The following GDI2 variants were observed in gnomAD, a reference collection of about 807,000 sequenced individuals.
GDI2 encodes GDP dissociation inhibitor 2, also known as rab GDP dissociation inhibitor beta.
GDI2 carries 22 observed loss-of-function variants against 54.2 expected under a neutral mutation model. That is an observed-to-expected ratio of 0.41 (90% CI 0.29 to 0.58). The LOEUF (loss-of-function observed/expected upper bound fraction) is 0.58. GDI2 is among the 20% of genes least tolerant of loss of function. GDI2 has a pLI of 0.35. For synonymous variants in GDI2, 177 were observed against 182.1 expected (o/e 0.97, Z 0.23); for missense variants, 422 against 546.0 (o/e 0.77, Z 2.26).
chr10:5,782,326 T>C lies in GDI2; in HGVS notation c.719+2816A>G, dbSNP rs1443523277. ...AATTAAAAACTTACAATACTAAATGTTGACAAGGATGTGGAGCAACGAGAA... is the reference window on the plus strand; with the variant it reads ...AATTAAAAACTTACAATACTAAATGCTGACAAGGATGTGGAGCAACGAGAA... On this transcript the variant is annotated intron_variant, in intron 6 of 10. Coordinates refer to ENST00000380191, the MANE Select transcript of GDI2 (RefSeq NM_001494.4). Among the ~76,000 whole-genome samples the C allele has an allele frequency of 3.3e-5, 5 of 152,308 alleles. No individual in the cohort carries two copies. In the East Asian group the frequency reaches 7.7e-4, roughly 23 times the overall value.
chr10:5,813,329 C>A lies in GDI2; in HGVS notation c.-71G>T, dbSNP rs936722897. 14 of 1,135,998 alleles carry A rather than the reference C, an allele frequency of 1.2e-5. No individual in the cohort carries two copies. The highest frequency in any genetic ancestry group is 1.3e-6 in the Non-Finnish European group (1 of 781,560). The allele number at this position is 1,135,998 out of a possible 1,614,324, so 70.4% of individuals were successfully genotyped here. ...GGGGCTCCGTGACCACCCTACGAGG[C>A]TGGGAGGCGCTCTTGGGCGCGAAGG... On this transcript the variant is annotated 5_prime_UTR_variant, in exon 1 of 11. Transcript: ENST00000380191.
intron 2 of GDI2, among the ~76,000 whole-genome samples, chr10:5,797,820 G>T (rs1841181853): frequency 6.6e-6 from 1 of 152,126 alleles, no homozygotes; most frequent in Non-Finnish European, 1.5e-5. Flanking sequence ...CAGAACTAGG[G>T]TGTCACTGAC....
chr10:5,787,584 AG>A (rs1416520093), intron 4 of GDI2, among the ~76,000 whole-genome samples: 2 of 152,260 alleles, frequency 1.3e-5, no homozygotes, highest in African/African-American at 2.4e-5. Context: ...TTTACAATTC[AG>A]CCTTTTAAAT....
intron 4 of GDI2, among the ~76,000 whole-genome samples, chr10:5,792,245 T>C (rs1399289692): frequency 6.6e-6 from 1 of 152,202 alleles, no homozygotes; most frequent in Non-Finnish European, 1.5e-5. Context: ...TACTACTTTG[T>C]GCTTTCCTTT....
intron 4 of GDI2, among the ~76,000 whole-genome samples, chr10:5,788,491 A>G (rs1165574870): frequency 1.3e-5 from 2 of 152,318 alleles, no homozygotes; most frequent in Non-Finnish European, 2.9e-5. Context: ...CTTTTTATGT[A>G]GATCAGAGGT....
At position 5,768,346 on chromosome 10, in the gene GDI2, G is replaced by C; in HGVS notation, c.858C>G (p.Tyr286Ter). 1 of 1,613,338 alleles carries C rather than the reference G, an allele frequency of 6.2e-7. No homozygotes were observed. The highest frequency in any genetic ancestry group is 8.5e-7 in the Non-Finnish European group (1 of 1,179,276). ...RCKQLICDPSYVKDRVEKVGQ... is the reference protein window; with the variant it reads ...RCKQLICDPS ...CCACTTTTTCTACCCGATCTTTTAC[G>C]TAGCTGGGGTCACAGATGAGCTGCT... Residue 286 changes from tyrosine to a stop codon, truncating the protein, a stop_gained, in exon 8 of 11, where the codon TAC becomes TAG. Coordinates refer to ENST00000380191, the MANE Select transcript of GDI2 (RefSeq NM_001494.4). LOFTEE classifies it high-confidence loss of function. This position sits in a 1 kb window ranked among gnomAD's most constrained non-coding sequence, Gnocchi z 4.4.
In GDI2 at chr10:5,766,132, A is replaced by G. The variant is rs747481896; in HGVS notation, c.1212T>C (p.Tyr404=). The G allele has an allele frequency of 3.7e-6, 6 of 1,613,516 alleles. No individual in the cohort carries two copies. Among genetic ancestry groups the G allele is most frequent in the African/African-American group, 2.7e-5 (2 of 74,920 alleles). The change falls in exon 11 of 11, where the codon TAT becomes TAC. Residue 404 remains tyrosine (Y), a synonymous_variant. Coordinates refer to ENST00000380191, the MANE Select transcript of GDI2 (RefSeq NM_001494.4). This position sits in a 1 kb window ranked among gnomAD's most constrained non-coding sequence, Gnocchi z 5.8. Reference sequence around the variant, plus strand: ...TTGTCTCAAAATGAGTGGTGGCATCATATGTGCGGGAAATAAAGATCTGAA... The same window carrying G: ...TTGTCTCAAAATGAGTGGTGGCATCGTATGTGCGGGAAATAAAGATCTGAA... ...TESQIFISRT[Y]DATTHFETTC...
At chr10:5,802,014 AATT>A (rs1271347802) in intron 1 of GDI2, among the ~76,000 whole-genome samples, 1 of 151,162 alleles carries the variant, frequency 6.6e-6, no homozygotes, top group East Asian at 1.9e-4. Flanking sequence ...TAGCAAAAAG[AATT>A]AATAAAGTTA....
chr10:5,807,361 AG>A (rs1398746541), intron 1 of GDI2, among the ~76,000 whole-genome samples: 1 of 152,238 alleles, frequency 6.6e-6, no homozygotes, highest in Non-Finnish European at 1.5e-5. Flanking sequence ...ATAAAAACTA[AG>A]CTTCTCTTTT....
intron 1 of GDI2, among the ~76,000 whole-genome samples, chr10:5,801,672 A>T (rs1400743242): frequency 6.7e-6 from 1 of 148,834 alleles, no homozygotes; most frequent in East Asian, 2.0e-4. Flanking sequence ...GCTAAACTCC[A>T]TCTCAAGAAC....
At position 5,765,589 on chromosome 10, in the gene GDI2, G is replaced by T. The variant is rs1840300307; in HGVS notation, c.*417C>A. On this transcript the variant is annotated 3_prime_UTR_variant, in exon 11 of 11. Coordinates refer to ENST00000380191, the MANE Select transcript of GDI2 (RefSeq NM_001494.4). Reference sequence around the variant, plus strand: ...GTCATAGGGAAAACTTCCGGATGCTGTCCCAAACCGTGGAATATTCAATTT... The same window carrying T: ...GTCATAGGGAAAACTTCCGGATGCTTTCCCAAACCGTGGAATATTCAATTT... The T allele has an allele frequency of 6.4e-6, 1 of 155,618 alleles. No homozygotes were observed. The highest frequency in any genetic ancestry group is 1.9e-4 in the East Asian group (1 of 5,280). 9.6% of individuals were successfully genotyped at this position (155,618 alleles called of 1,614,324 possible).
intron 7 of GDI2, among the ~76,000 whole-genome samples, chr10:5,771,418 C>T (rs190863556): frequency 2.6e-4 from 39 of 152,264 alleles, no homozygotes; most frequent in Admixed American, 7.2e-4. Context: ...GCAGACATCA[C>T]GAAATTATGC....
intron 7 of GDI2, among the ~76,000 whole-genome samples, chr10:5,772,874 G>A (rs769639789): frequency 2.0e-5 from 3 of 152,062 alleles, no homozygotes; most frequent in African/African-American, 4.8e-5. Context: ...TGTGGGTGCG[G>A]AACACCTTAA....
rs778723839 is a variant in GDI2 at position 5,796,871 on chromosome 10, A to T, written c.154-9T>A. On this transcript the variant is annotated splice_polypyrimidine_tract_variant and intron_variant, in intron 2 of 10. Transcript: ENST00000380191. ...TTAAATCTTTTGTATAACTAAAAGC[A>T]AGGAAAAACATAGCCATAATGTTAA... is the stretch of plus-strand genomic sequence containing the variant. The T allele has an allele frequency of 7.6e-7, 1 of 1,316,116 alleles. No homozygotes were observed. Among genetic ancestry groups the T allele is most frequent in the African/African-American group, 1.4e-5 (1 of 69,174 alleles). The allele number at this position is 1,316,116 out of a possible 1,614,324, so 81.5% of individuals were successfully genotyped here.
intron 1 of GDI2, among the ~76,000 whole-genome samples, chr10:5,800,944 A>T (rs1312808637): frequency 2.0e-5 from 3 of 147,702 alleles, no homozygotes; most frequent in Non-Finnish European, 4.5e-5. Flanking sequence ...TCACCTTTTA[A>T]TTTTTTTTTT....
chr10:5,766,619 G>T lies in GDI2; in HGVS notation c.1011C>A (p.Ile337=), dbSNP rs984279679. The T allele has an allele frequency of 1.2e-6, 2 of 1,613,504 alleles. No homozygotes were observed. The highest frequency in any genetic ancestry group is 1.7e-6 in the Non-Finnish European group (2 of 1,179,404). Residue 337 remains isoleucine, a synonymous_variant, in exon 9 of 11, where the codon ATC becomes ATA. Transcript: ENST00000380191. This position sits in a 1 kb window ranked among gnomAD's most constrained non-coding sequence, Gnocchi z 5.8. ...GTGCTGCTACATTGTGCGCAAAGGA[G>T]ATCATGCAGACGTAGATATCTAGAA... ...NRKSDIYVCM[I]SFAHNVAAQG...
rs1438756542 is a variant in GDI2, at chr10:5,776,581, G to A, written c.720-2640C>T. ...TTGTGGCTGAGAATGAAAGATTAAG[G>A]AAAGAAAATAAACAACTCAAGGCTG... On this transcript the variant is annotated intron_variant, in intron 6 of 10. Coordinates refer to ENST00000380191, the MANE Select transcript of GDI2 (RefSeq NM_001494.4). The surrounding 1 kb of genome is among the most constrained non-coding windows in gnomAD (Gnocchi z 5.3). The A allele has an allele frequency of 1.3e-6, 2 of 1,563,218 alleles. No individual in the cohort carries two copies. The highest frequency in any genetic ancestry group is 4.5e-5 in the East Asian group (2 of 44,458).
At chr10:5,788,510 T>G (rs1840927734) in intron 4 of GDI2, among the ~76,000 whole-genome samples, 1 of 152,136 alleles carries the variant, frequency 6.6e-6, no homozygotes, top group African/African-American at 2.4e-5. Flanking sequence ...GTGTCCAATT[T>G]TTTGGCTTCC....
chr10:5,786,701 C>G (rs1840889051), intron 4 of GDI2, among the ~76,000 whole-genome samples: 1 of 143,172 alleles, frequency 7.0e-6, no homozygotes, highest in Non-Finnish European at 1.6e-5. Flanking sequence ...TCTGAAGAGT[C>G]TCCCTTTGAC....
Sources: gnomAD v4.1 joint callset for allele counts (sites outside exome capture counted in the v4.1 genomes callset) on GRCh38, gnomAD v4.1.1 for gene constraint, Gnocchi (gnomAD v3.1) non-coding constraint, MANE v1.5 for transcripts, NCBI Gene and HGNC (gene_info 2026-07-23, HGNC 2026-07-21) for gene names.